Variants in CCDC170 observed in about 807,000 individuals in gnomAD.
The protein encoded by CCDC170 is coiled-coil domain-containing protein 170.
A neutral mutation model predicts 72.6 loss-of-function variants in CCDC170; 69 were observed. That is an observed-to-expected ratio of 0.95 (90% CI 0.78 to 1.16). The LOEUF is 1.16. Among genes scored for constraint, CCDC170 ranks in the 50% most tolerant of loss-of-function variants. CCDC170 has a pLI of 0.00. For synonymous variants in CCDC170, 300 were observed against 303.9 expected (o/e 0.99, Z 0.13); for missense variants, 852 against 832.5 (o/e 1.02, Z -0.29).
chr6:151,538,958 A>T (rs1193766921), intron 3 of CCDC170, among the ~76,000 whole-genome samples: 2 of 151,798 alleles, frequency 1.3e-5, no homozygotes, highest in Non-Finnish European at 2.9e-5. Context: ...TACAGCAAAA[A>T]CTCCTTAAAC....
At position 151,544,976 on chromosome 6, in the gene CCDC170, T is replaced by C. The variant is rs1240992564; in HGVS notation, c.588+260T>C. 2.6e-5 allele frequency among the ~76,000 whole-genome samples: 4 copies of C among 152,212 alleles called. 1 individual carries two copies. The highest frequency in any genetic ancestry group is 2.0e-4 in the Admixed American group (3 of 15,280). ...TGTCTAAAATATATTTAGGTTGTCA[T>C]ATAGAGTTAATTACTCATTGTAACC... On this transcript the variant is annotated intron_variant, in intron 4 of 10. Coordinates refer to ENST00000239374, the MANE Select transcript of CCDC170 (RefSeq NM_025059.4).
intron 1 of CCDC170, among the ~76,000 whole-genome samples, chr6:151,511,224 G>C (rs1049976516): frequency 2.0e-5 from 3 of 152,050 alleles, no homozygotes; most frequent in Non-Finnish European, 2.9e-5. Context: ...AAAATAGGGG[G>C]TTTATTATTT....
chr6:151,535,749 T>G (rs898433961), intron 1 of CCDC170, among the ~76,000 whole-genome samples: 2 of 152,052 alleles, frequency 1.3e-5, no homozygotes, highest in Admixed American at 6.6e-5. Context: ...CTTTTTTTGT[T>G]TTTTTGTTTT....
chr6:151,604,309 T>C (rs554894314), intron 9 of CCDC170, among the ~76,000 whole-genome samples: 1 of 152,272 alleles, frequency 6.6e-6, no homozygotes, highest in South Asian at 2.1e-4. Context: ...ATGATGTAGA[T>C]CCATTGGATT....
At chr6:151,508,805 C>G (rs1213637105) in intron 1 of CCDC170, among the ~76,000 whole-genome samples, 3 of 151,970 alleles carry the variant, frequency 2.0e-5, no homozygotes, top group African/African-American at 7.3e-5. Context: ...CACCTGAGGT[C>G]AGGAGTTTGA....
intron 7 of CCDC170, among the ~76,000 whole-genome samples, chr6:151,590,833 G>A (rs1776524208): frequency 6.6e-6 from 1 of 152,184 alleles, no homozygotes; most frequent in African/African-American, 2.4e-5. Context: ...GAAAGAAAGA[G>A]GGTTTCATAC....
intron 9 of CCDC170, among the ~76,000 whole-genome samples, chr6:151,606,091 G>A (rs1776778726): frequency 6.6e-6 from 1 of 151,930 alleles, no homozygotes; most frequent in African/African-American, 2.4e-5. Context: ...TAGTAGAGAC[G>A]GGGTTTCAGC....
At chr6:151,525,527 G>A (rs1053445786) in intron 1 of CCDC170, among the ~76,000 whole-genome samples, 12 of 152,050 alleles carry the variant, frequency 7.9e-5, no homozygotes, top group Non-Finnish European at 1.5e-4. Flanking sequence ...CCACCCTTAA[G>A]AAGGTACTTT....
intron 1 of CCDC170, among the ~76,000 whole-genome samples, chr6:151,507,859 T>C (rs1782087402): frequency 1.3e-5 from 2 of 151,366 alleles, no homozygotes; most frequent in Middle Eastern, 3.4e-3. Context: ...AGTCGGAGGT[T>C]GCAGTGAGCC....
chr6:151,548,653 G>A (rs72997972), intron 5 of CCDC170, among the ~76,000 whole-genome samples, 164 bp downstream of exon 5: 1,618 of 152,122 alleles, frequency 0.011, 12 homozygotes, highest in Non-Finnish European at 0.017. Context: ...GGTGACATGG[G>A]ACAAAGTGAC....
At position 151,544,648 on chromosome 6, in the gene CCDC170, C is replaced by G. The variant is rs770636230; in HGVS notation, c.520C>G (p.Gln174Glu). ...NCRKHEEFLT[Q>E]LRDCLDPDER... ...CAGGAAACATGAGGAATTTCTGACT[C>G]AACTGCGTGACTGCTTGGATCCAGA... The change falls in exon 4 of 11, where the codon CAA (glutamine) becomes GAA (glutamate). Residue 174 changes from glutamine to glutamate, a missense_variant. By Grantham distance (29) the Gln-to-Glu change is conservative. Coordinates refer to ENST00000239374, the MANE Select transcript of CCDC170 (RefSeq NM_025059.4). 5.0e-5 allele frequency: 80 copies of G among 1,613,588 alleles called. 1 individual carries two copies. Among genetic ancestry groups the G allele is most frequent in the Non-Finnish European group, 6.7e-5 (79 of 1,179,686 alleles).
chr6:151,602,029 G>C (rs888379397), intron 9 of CCDC170, among the ~76,000 whole-genome samples: 4 of 152,138 alleles, frequency 2.6e-5, no homozygotes, highest in African/African-American at 9.7e-5. Flanking sequence ...TCTGAACAAG[G>C]CTGCTATGAA....
At chr6:151,565,032 C>T (rs971145544) in intron 5 of CCDC170, among the ~76,000 whole-genome samples, 2 of 152,116 alleles carry the variant, frequency 1.3e-5, no homozygotes, top group African/African-American at 4.8e-5. Context: ...GGCACCTATG[C>T]GTTGGGGAGC....
In CCDC170 at chr6:151,536,198, T is replaced by C. The variant is rs1393431592; in HGVS notation, c.58-120T>C. 4 of 1,149,162 alleles carry C rather than the reference T, an allele frequency of 3.5e-6. No homozygotes were observed. In the African/African-American group the frequency reaches 4.6e-5, roughly 13 times the overall value. The allele number at this position is 1,149,162 out of a possible 1,614,324, so 71.2% of individuals were successfully genotyped here. A position where few individuals can be genotyped will look rare whatever the true frequency, so the allele number is the denominator to read the frequency against. On this transcript the variant is annotated intron_variant, in intron 1 of 10. Coordinates refer to ENST00000239374, the MANE Select transcript of CCDC170 (RefSeq NM_025059.4). ...GAACATAACACTTCTCTGCGTAGCATGTTTGACATATTTGGAATACAAAGA... is the reference window on the plus strand; with the variant it reads ...GAACATAACACTTCTCTGCGTAGCACGTTTGACATATTTGGAATACAAAGA...
intron 1 of CCDC170, among the ~76,000 whole-genome samples, chr6:151,499,251 G>A: frequency 7.7e-6 from 1 of 130,398 alleles, no homozygotes; most frequent in African/African-American, 3.4e-5. Context: ...TGTATAAGTG[G>A]AATCAGACTG....
intron 5 of CCDC170, among the ~76,000 whole-genome samples, chr6:151,557,180 G>A (rs1054002010): frequency 3.3e-5 from 5 of 152,108 alleles, no homozygotes; most frequent in Non-Finnish European, 7.3e-5. Flanking sequence ...AGGCCAAGGC[G>A]GGTGGATCAT....
rs746906730 is a variant in CCDC170, at chr6:151,621,092, A to C, written c.*2945A>C. On this transcript the variant is annotated 3_prime_UTR_variant, in exon 11 of 11. Coordinates refer to ENST00000239374, the MANE Select transcript of CCDC170 (RefSeq NM_025059.4). ...AAAGGGTATATGAAATGGGAACAAT[A>C]AATTCTGTACATGTATACAGTCCAT... The C allele has an allele frequency of 3.3e-5, 5 of 152,236 alleles. No individual in the cohort carries two copies. Among genetic ancestry groups the C allele is most frequent in the Admixed American group, 6.5e-5 (1 of 15,286 alleles). The allele number at this position is 152,236 out of a possible 1,614,324, so 9.4% of individuals were successfully genotyped here.
chr6:151,505,114 T>A (rs7740302), intron 1 of CCDC170, among the ~76,000 whole-genome samples: 1 of 151,866 alleles, frequency 6.6e-6, no homozygotes, highest in Non-Finnish European at 1.5e-5. Flanking sequence ...CCCGCTGGCC[T>A]CCTGGGCACT....
chr6:151,572,267 C>T lies in CCDC170; in HGVS notation c.775-907C>T, dbSNP rs74813361. Among the ~76,000 whole-genome samples the T allele has an allele frequency of 8.5e-3, 1,288 of 152,190 alleles. 8 individuals carry two copies. The highest frequency in any genetic ancestry group is 0.03 in the African/African-American group (1,230 of 41,520). ...GTTTCCTTTCTTCAGGTTCTTTCTG[C>T]GTTGTCTTTATGAGACAAGGGGATA... On this transcript the variant is annotated intron_variant, in intron 5 of 10. Transcript: ENST00000239374.
Sources: allele counts gnomAD v4.1 joint callset (sites outside exome capture counted in the v4.1 genomes callset), GRCh38; gene constraint gnomAD v4.1.1; transcripts MANE v1.5; gene names NCBI Gene and HGNC (gene_info 2026-07-23, HGNC 2026-07-21).